LARP4B: variants seen among roughly 807,000 people sequenced by gnomAD.
LARP4B encodes la-related protein 4B.
Under a neutral mutation model 89.8 loss-of-function variants are expected in LARP4B, and 12 were observed. The observed-to-expected ratio is 0.13, with a 90% CI of 0.09 to 0.22. The LOEUF (loss-of-function observed/expected upper bound fraction) is 0.22, where lower values mean the gene tolerates loss of function less well. Ranked by LOEUF, LARP4B falls within the 10% of genes least tolerant of loss-of-function variation. LARP4B has a pLI of 1.00. For missense variants in LARP4B, 757 were observed against 947.7 expected, an observed-to-expected ratio of 0.80 and a Z score of 2.64; for synonymous variants, 367 against 363.3, an observed-to-expected ratio of 1.01 and a Z score of -0.12.
chr10:985,425 TAGTA>T, the LARP4B span: 2 of 152,206 alleles, frequency 1.3e-5, no homozygotes, highest in African/African-American at 4.8e-5. Context: ...GCCTGGTAGA[TAGTA>T]AGTGAGCAAA....
chr10:919,325 G>A (rs938866006), intron 1 of LARP4B, among the ~76,000 whole-genome samples: 6 of 152,096 alleles, frequency 3.9e-5, no homozygotes, highest in African/African-American at 1.2e-4. Context: ...TATAAGCATC[G>A]GTGCATGGGT....
At chr10:930,792 G>A (rs1837277797) in intron 1 of LARP4B, among the ~76,000 whole-genome samples, 1 of 152,118 alleles carries the variant, frequency 6.6e-6, no homozygotes, top group African/African-American at 2.4e-5. Context: ...CGAGCAACAG[G>A]ATCCCAACTT....
At chr10:874,911 T>C (rs1454100679) in intron 3 of LARP4B, among the ~76,000 whole-genome samples, 4 of 152,174 alleles carry the variant, frequency 2.6e-5, no homozygotes, top group Non-Finnish European at 5.9e-5. Context: ...ATTAATTACA[T>C]CTATGCATCC....
the LARP4B span, among the ~76,000 whole-genome samples, chr10:970,497 G>A: frequency 1.4e-5 from 2 of 139,202 alleles, no homozygotes; most frequent in Non-Finnish European, 2.9e-5. Context: ...GGACTGGACT[G>A]AGTCTCTAAG....
At chr10:910,438 C>T (rs1249279226) in intron 1 of LARP4B, among the ~76,000 whole-genome samples, 1 of 152,164 alleles carries the variant, frequency 6.6e-6, no homozygotes, top group East Asian at 1.9e-4. Context: ...CTGAGAGTGG[C>T]GCTGGGAACC....
At chr10:872,579 TCAC>T (rs1835271171) in intron 3 of LARP4B, among the ~76,000 whole-genome samples, 1 of 152,248 alleles carries the variant, frequency 6.6e-6, no homozygotes, top group African/African-American at 2.4e-5. Context: ...CTTACTCTCA[TCAC>T]CACTGCTGAG....
intron 1 of LARP4B, among the ~76,000 whole-genome samples, chr10:886,246 A>T (rs1380525612): frequency 1.3e-5 from 2 of 152,224 alleles, no homozygotes; most frequent in East Asian, 3.8e-4. Context: ...TATTGGGGAA[A>T]TGCAGAACAA....
the LARP4B span, among the ~76,000 whole-genome samples, chr10:969,334 G>A: frequency 3.3e-5 from 5 of 152,066 alleles, no homozygotes; most frequent in South Asian, 2.1e-4. Flanking sequence ...CAGCTGCTGC[G>A]GGTGTTTTCC....
chr10:826,954 A>G (rs920404156), intron 11 of LARP4B, among the ~76,000 whole-genome samples: 60 of 152,166 alleles, frequency 3.9e-4, no homozygotes, highest in African/African-American at 1.4e-3. Flanking sequence ...GAAACTCTTC[A>G]CTCTGTAAGA....
chr10:837,033 A>G (rs1234321707), intron 7 of LARP4B, among the ~76,000 whole-genome samples: 1 of 152,232 alleles, frequency 6.6e-6, no homozygotes, highest in East Asian at 1.9e-4. Context: ...ATTAGGGCTC[A>G]GAGGTGCCCA....
At chr10:935,522 C>G (rs897567571), upstream of LARP4B, among the ~76,000 whole-genome samples, 9 of 152,110 alleles carry the variant, frequency 5.9e-5, no homozygotes, top group Non-Finnish European at 1.3e-4. Context: ...TGTTGAGCTA[C>G]ATCACATCAT....
intron 5 of LARP4B, among the ~76,000 whole-genome samples, chr10:847,970 G>A (rs960519383): frequency 6.6e-6 from 1 of 152,200 alleles, no homozygotes; most frequent in African/African-American, 2.4e-5. Flanking sequence ...CAGGAGATAG[G>A]GAGGCTGATT....
upstream of LARP4B, among the ~76,000 whole-genome samples, chr10:935,944 A>G (rs377658210): frequency 5.3e-5 from 8 of 150,750 alleles, no homozygotes; most frequent in Non-Finnish European, 1.0e-4. Context: ...GGGTTTCACC[A>G]TGTTGGTCAG....
At chr10:877,226 T>C (rs902834275) in intron 3 of LARP4B, among the ~76,000 whole-genome samples, 3 of 151,996 alleles carry the variant, frequency 2.0e-5, no homozygotes, top group East Asian at 1.9e-4. Context: ...AAATAAAAAT[T>C]AAAAGTTAGC....
intron 1 of LARP4B, among the ~76,000 whole-genome samples, chr10:905,691 AGGAGCAAGGGAGGAGCT>A (rs1836471519): frequency 6.7e-6 from 1 of 150,084 alleles, no homozygotes; most frequent in African/African-American, 2.4e-5. Context: ...GGAGGAGCTG[AGGAGCAAGGGAGGAGCT>A]GAGGAGCAGG....
chr10:898,592 T>A (rs545101575), intron 1 of LARP4B, among the ~76,000 whole-genome samples: 1 of 152,350 alleles, frequency 6.6e-6, no homozygotes, highest in Admixed American at 6.5e-5. Context: ...AACTTGATAA[T>A]TTCTAAGAAA....
At chr10:886,657 G>A (rs1039757455) in intron 1 of LARP4B, among the ~76,000 whole-genome samples, 5 of 152,294 alleles carry the variant, frequency 3.3e-5, no homozygotes, top group African/African-American at 9.6e-5. Flanking sequence ...AAACCCCGTC[G>A]TATGCTATAA....
intron 3 of LARP4B, among the ~76,000 whole-genome samples, chr10:868,086 C>T (rs1046605362): frequency 2.0e-5 from 3 of 151,704 alleles, no homozygotes; most frequent in Admixed American, 6.6e-5. Flanking sequence ...TGAAAAATAA[C>T]GTATCAATTA....
upstream of LARP4B, among the ~76,000 whole-genome samples, chr10:934,723 T>C (rs999754069): frequency 1.3e-5 from 2 of 152,160 alleles, no homozygotes; most frequent in African/African-American, 2.4e-5. Context: ...TTTAAAACTT[T>C]AGTATAAATT....
Sources: allele counts gnomAD v4.1 joint callset (sites outside exome capture counted in the v4.1 genomes callset), GRCh38; gene constraint gnomAD v4.1.1; transcripts MANE v1.5; gene names NCBI Gene and HGNC (gene_info 2026-07-23, HGNC 2026-07-21).